The following GRIA4 variants were observed in gnomAD, a reference collection of about 807,000 sequenced individuals.
GRIA4 encodes the protein glutamate ionotropic receptor AMPA type subunit 4.
A neutral mutation model predicts 104.0 loss-of-function variants in GRIA4; 34 were observed. That is an observed-to-expected ratio of 0.33 (90% CI 0.25 to 0.44). The LOEUF (loss-of-function observed/expected upper bound fraction) is 0.44. Among genes scored for constraint, GRIA4 ranks in the 20% least tolerant of loss-of-function variants. The pLI, the probability that GRIA4 is intolerant of heterozygous loss-of-function variation, is 1.00. For missense variants in GRIA4, 750 were observed against 1,096.5 expected, an observed-to-expected ratio of 0.68 and a Z score of 4.46; for synonymous variants, 386 against 381.9, an observed-to-expected ratio of 1.01 and a Z score of -0.13.
intron 3 of GRIA4, among the ~76,000 whole-genome samples, chr11:105,639,305 T>C (rs1951292625): frequency 6.6e-6 from 1 of 152,064 alleles, no homozygotes; most frequent in African/African-American, 2.4e-5. Flanking sequence ...AAATATATTT[T>C]AAAATTCTTT....
intron 4 of GRIA4, among the ~76,000 whole-genome samples, chr11:105,817,456 A>G (rs928423282): frequency 1.3e-5 from 2 of 149,478 alleles, no homozygotes; most frequent in African/African-American, 5.1e-5. Flanking sequence ...AAACTAGCTC[A>G]GTGTTGTGGC....
intron 3 of GRIA4, among the ~76,000 whole-genome samples, chr11:105,688,083 A>G (rs1045001228): frequency 3.3e-5 from 5 of 151,414 alleles, no homozygotes; most frequent in Admixed American, 3.3e-4. Flanking sequence ...ATCTATCTCA[A>G]ATATTCTCTC....
At chr11:105,708,644 T>C (rs1233306986) in intron 3 of GRIA4, among the ~76,000 whole-genome samples, 1 of 152,044 alleles carries the variant, frequency 6.6e-6, no homozygotes, top group African/African-American at 2.4e-5. Context: ...TCTAAGTGTA[T>C]TGGTTAGCAA....
At chr11:105,886,880 T>A (rs935190207) in intron 5 of GRIA4, among the ~76,000 whole-genome samples, 2 of 151,822 alleles carry the variant, frequency 1.3e-5, no homozygotes, top group African/African-American at 4.8e-5. Flanking sequence ...AGTTTCTAAT[T>A]TCCTAAACAT....
intron 3 of GRIA4, among the ~76,000 whole-genome samples, chr11:105,643,587 G>T (rs12226280): frequency 0.13 from 20,036 of 152,204 alleles, 1,557 homozygotes; most frequent in African/African-American, 0.21. Flanking sequence ...CAGTAATGGT[G>T]AGAATTAGCC....
chr11:105,751,241 A>G (rs2135688958), intron 3 of GRIA4, among the ~76,000 whole-genome samples: 1 of 152,278 alleles, frequency 6.6e-6, no homozygotes, highest in East Asian at 1.9e-4. Context: ...TCAGTTTGCA[A>G]GAAAATCAGT....
chr11:105,955,177 T>C (rs1948554695), intron 14 of GRIA4, among the ~76,000 whole-genome samples: 1 of 152,110 alleles, frequency 6.6e-6, no homozygotes, highest in African/African-American at 2.4e-5. Flanking sequence ...AAAAATGGGA[T>C]ATATGTGCAG....
rs142847660 is a variant in GRIA4 at position 105,726,387 on chromosome 11, C to T, written c.248-26594C>T. The stretch of plus-strand genomic sequence containing the variant: ...GCATCTCTGAAAGAAAGGCAGAAGC[C>T]CCAGTCAGGAGCTTATAGATAAAAC... On this transcript the variant is annotated intron_variant, in intron 3 of 16. Transcript: ENST00000282499. Among the ~76,000 whole-genome samples, 761 of 152,208 alleles carry T rather than the reference C, an allele frequency of 5.0e-3. 16 individuals carry two copies. Among genetic ancestry groups the T allele is most frequent in the African/African-American group, 0.017 (709 of 41,536 alleles).
intron 16 of GRIA4, among the ~76,000 whole-genome samples, chr11:105,978,000 T>C (rs1859073811): frequency 1.3e-5 from 2 of 152,082 alleles, no homozygotes; most frequent in Non-Finnish European, 2.9e-5. Flanking sequence ...TTCTGTTCAA[T>C]TTAAAATAGT....
At chr11:105,906,965 C>T (rs779063975) in intron 9 of GRIA4, among the ~76,000 whole-genome samples, 9 of 152,196 alleles carry the variant, frequency 5.9e-5, no homozygotes, top group South Asian at 2.1e-4. Context: ...CACCTCCTTG[C>T]CACACACCAG....
rs993384069 is a variant in GRIA4, at chr11:105,938,430, A to T, written c.2294+4461A>T. ...GTAAACGTACAGAAATCTAAAGCTG[A>T]GTACTGAGTATACTTTGGCCTCAAA... On this transcript the variant is annotated intron_variant, in intron 14 of 16. Coordinates refer to ENST00000282499, the MANE Select transcript of GRIA4 (RefSeq NM_000829.4). Among the ~76,000 whole-genome samples, 4 of 152,218 alleles carry T rather than the reference A, an allele frequency of 2.6e-5. 1 individual carries two copies. Among genetic ancestry groups the T allele is most frequent in the South Asian group, 4.1e-4 (2 of 4,836 alleles).
At chr11:105,711,366 G>A (rs534230807) in intron 3 of GRIA4, among the ~76,000 whole-genome samples, 9 of 151,788 alleles carry the variant, frequency 5.9e-5, no homozygotes, top group African/African-American at 2.2e-4. Flanking sequence ...CATGGCACAT[G>A]TATACTTATG....
chr11:105,929,328 C>A (rs1329479877), intron 13 of GRIA4, among the ~76,000 whole-genome samples: 2 of 151,856 alleles, frequency 1.3e-5, no homozygotes, highest in African/African-American at 4.8e-5. Flanking sequence ...CTCAGTGCTT[C>A]AAAAAAATGC....
At chr11:105,873,221 A>G (rs2136055638) in intron 5 of GRIA4, among the ~76,000 whole-genome samples, 1 of 152,260 alleles carries the variant, frequency 6.6e-6, no homozygotes, top group African/African-American at 2.4e-5. Context: ...GATGGTTTCC[A>G]GCTTCATCCA....
At chr11:105,707,335 T>A (rs973402453) in intron 3 of GRIA4, 2 of 152,318 alleles carry the variant, frequency 1.3e-5, no homozygotes, top group African/African-American at 4.8e-5. Flanking sequence ...AGTCTTAAAT[T>A]GAAAAATATA....
chr11:105,781,709 C>T (rs934476678), intron 4 of GRIA4, among the ~76,000 whole-genome samples: 2 of 152,028 alleles, frequency 1.3e-5, no homozygotes, highest in Admixed American at 1.3e-4. Context: ...ACAAACCCCA[C>T]AAGAATCGGA....
Position 105,721,020 on chromosome 11 carries a change from G to A in GRIA4, c.248-31961G>A, listed in dbSNP as rs1354051538. Among the ~76,000 whole-genome samples the A allele has an allele frequency of 2.6e-5, 4 of 152,162 alleles. No individual in the cohort carries two copies. The South Asian group carries it at 8.3e-4, about 32-fold the overall frequency. The stretch of plus-strand genomic sequence containing the variant: ...CCTAACTTGATGAATATATGCTCAT[G>A]GACAGTGTTAAGTGGTTTTGGGTCC... On this transcript the variant is annotated intron_variant, in intron 3 of 16. Coordinates refer to ENST00000282499, the MANE Select transcript of GRIA4 (RefSeq NM_000829.4).
intron 3 of GRIA4, among the ~76,000 whole-genome samples, chr11:105,618,236 C>G (rs1459799891): frequency 6.6e-6 from 1 of 151,666 alleles, no homozygotes; most frequent in Non-Finnish European, 1.5e-5. Context: ...AAAGAGGGAC[C>G]CATAAATGAT....
Position 105,949,375 on chromosome 11 carries a change from G to A in GRIA4, c.2294+15406G>A, listed in dbSNP as rs190594901. Among the ~76,000 whole-genome samples the A allele has an allele frequency of 2.6e-4, 39 of 152,210 alleles. 1 individual carries two copies. The highest frequency in any genetic ancestry group is 4.7e-4 in the Non-Finnish European group (32 of 68,008). On this transcript the variant is annotated intron_variant, in intron 14 of 16. Coordinates refer to ENST00000282499, the MANE Select transcript of GRIA4 (RefSeq NM_000829.4). ...TAATGGGTTGCTTGCAAAATAGCAC[G>A]AGGTTAATTCACTGTTATATCACTT... is the stretch of plus-strand genomic sequence containing the variant.
Sources: gnomAD v4.1 joint callset for allele counts (sites outside exome capture counted in the v4.1 genomes callset) on GRCh38, gnomAD v4.1.1 for gene constraint, MANE v1.5 for transcripts, NCBI Gene and HGNC (gene_info 2026-07-23, HGNC 2026-07-21) for gene names.